Variants in ATP2B4 observed in about 807,000 individuals in gnomAD.
The protein encoded by ATP2B4 is plasma membrane calcium-transporting ATPase 4.
Under a neutral mutation model 110.3 loss-of-function variants are expected in ATP2B4, and 39 were observed. That is an observed-to-expected ratio of 0.35 (90% CI 0.27 to 0.46). The LOEUF (loss-of-function observed/expected upper bound fraction) is 0.46, where lower values mean the gene tolerates loss of function less well. Ranked by LOEUF, ATP2B4 falls within the 20% of genes least tolerant of loss-of-function variation. ATP2B4 has a pLI of 1.00. For missense variants in ATP2B4, 1,135 were observed against 1,530.9 expected, an observed-to-expected ratio of 0.74 and a Z score of 4.32; for synonymous variants, 538 against 571.7, an observed-to-expected ratio of 0.94 and a Z score of 0.84.
intron 19 of ATP2B4, among the ~76,000 whole-genome samples, chr1:203,724,865 CTGTTTTTTT>C (rs1666457582): frequency 3.9e-5 from 4 of 101,454 alleles, no homozygotes; most frequent in African/African-American, 1.6e-4. Context: ...ATCCAGCTCT[CTGTTTTTTT>C]TTTTTTTTTT....
chr1:203,650,671 G>T (rs1333484413), intron 1 of ATP2B4, among the ~76,000 whole-genome samples: 1 of 152,130 alleles, frequency 6.6e-6, no homozygotes, highest in Non-Finnish European at 1.5e-5. Flanking sequence ...GAGCGGGGCG[G>T]GCTAGGGCGA....
chr1:203,678,392 CTTTTTT>C (rs35598967), intron 1 of ATP2B4, among the ~76,000 whole-genome samples: 1 of 100,194 alleles, frequency 1.0e-5, no homozygotes, highest in African/African-American at 4.0e-5. Flanking sequence ...TTTCTAGAGG[CTTTTTT>C]TTTTTTTTTT....
intron 1 of ATP2B4, among the ~76,000 whole-genome samples, chr1:203,663,533 A>G (rs554039662): frequency 1.6e-4 from 24 of 152,236 alleles, no homozygotes; most frequent in African/African-American, 5.5e-4. Flanking sequence ...GCTCATCAGG[A>G]CAGGAATCCC....
At chr1:203,727,872 G>A (rs1482236980) in intron 20 of ATP2B4, 1 of 391,900 alleles carries the variant, frequency 2.6e-6, no homozygotes, top group Non-Finnish European at 4.7e-6. Context: ...TTCAGCATAA[G>A]GTCTCTTGCA....
chr1:203,701,350 C>T (rs948820709), intron 6 of ATP2B4, among the ~76,000 whole-genome samples: 23 of 152,048 alleles, frequency 1.5e-4, no homozygotes, highest in African/African-American at 5.3e-4. Context: ...AGATTTCTGC[C>T]GAAACTGTAG....
Position 203,722,563 on chromosome 1 carries a change from CT to C in ATP2B4, c.2900del (p.Phe967SerfsTer3). The C allele has an allele frequency of 6.2e-7, 1 of 1,614,170 alleles. No individual in the cohort carries two copies. The highest frequency in any genetic ancestry group is 1.1e-5 in the South Asian group (1 of 91,078). ...SQHYTIVFNT[F>X]VLMQLFNEIN... is the part of the protein sequence containing the mutation. The stretch of plus-strand genomic sequence containing the variant: ...AGCACTATACCATTGTTTTTAACAC[CT>C]TCGTGCTGATGCAGCTCTTCAATGA... On this transcript the variant is annotated frameshift_variant, in exon 18 of 21. Coordinates refer to ENST00000357681, the MANE Select transcript of ATP2B4 (RefSeq NM_001684.5). LOFTEE classifies it high-confidence loss of function.
intron 19 of ATP2B4, among the ~76,000 whole-genome samples, 184 bp from the exon 20 acceptor site, chr1:203,727,211 G>C (rs777869500): frequency 6.6e-6 from 1 of 152,200 alleles, no homozygotes; most frequent in Non-Finnish European, 1.5e-5. Flanking sequence ...CTAAAAGCCT[G>C]ACCGCTGGTG....
chr1:203,692,916 C>T (rs1665427787), intron 2 of ATP2B4, among the ~76,000 whole-genome samples: 1 of 152,042 alleles, frequency 6.6e-6, no homozygotes, highest in South Asian at 2.1e-4. Flanking sequence ...CACAGCTAAA[C>T]ATTCTCTTTG....
chr1:203,712,238 C>T, intron 13 of ATP2B4, 99 bp downstream of exon 13: 1 of 1,371,820 alleles, frequency 7.3e-7, no homozygotes, highest in Non-Finnish European at 9.9e-7. Flanking sequence ...TGGGTGGTTT[C>T]TAAAGTGAAA....
intron 2 of ATP2B4, among the ~76,000 whole-genome samples, chr1:203,689,737 G>GA (rs1384428965): frequency 6.6e-6 from 1 of 152,236 alleles, no homozygotes; most frequent in African/African-American, 2.4e-5. Flanking sequence ...TCCTTCCATA[G>GA]AGCTTACAGG....
At chr1:203,686,398 G>A (rs900453757) in intron 2 of ATP2B4, among the ~76,000 whole-genome samples, 2 of 152,176 alleles carry the variant, frequency 1.3e-5, no homozygotes, top group Non-Finnish European at 2.9e-5. Flanking sequence ...CCTTCCCAGA[G>A]CTGCCACTGT....
Position 203,683,058 on chromosome 1 carries a change from C to T in ATP2B4, c.-148C>T. ...CGGACGGCTACTCGGGAGCTTATTG[C>T]ACAAGATATATTCAATCTATTCCCT... On this transcript the variant is annotated 5_prime_UTR_variant, in exon 2 of 21. Coordinates refer to ENST00000357681, the MANE Select transcript of ATP2B4 (RefSeq NM_001684.5). 1.2e-6 allele frequency: 1 copy of T among 845,562 alleles called. No homozygotes were observed. The highest frequency in any genetic ancestry group is 1.8e-6 in the Non-Finnish European group (1 of 552,470). 52.4% of individuals were successfully genotyped at this position (845,562 alleles called of 1,614,324 possible).
chr1:203,643,531 G>C (rs1346486074), intron 1 of ATP2B4, among the ~76,000 whole-genome samples: 1 of 152,230 alleles, frequency 6.6e-6, no homozygotes, highest in African/African-American at 2.4e-5. Context: ...CTGGCAAGAA[G>C]TGGCAGCTTA....
chr1:203,699,328 AGCCAACAGTT>A, intron 3 of ATP2B4, 122 bp from the exon 4 acceptor site: 1 of 1,241,608 alleles, frequency 8.1e-7, no homozygotes. Context: ...ATCCTCTTCC[AGCCAACAGTT>A]GTATTTGCTA....
intron 7 of ATP2B4, 108 bp downstream of exon 7, chr1:203,702,187 C>A: frequency 2.2e-6 from 3 of 1,392,544 alleles, no homozygotes; most frequent in Non-Finnish European, 2.0e-6. Flanking sequence ...CTGTTATCTG[C>A]TGCTGTGGCT....
chr1:203,739,769 A>G lies in ATP2B4; in HGVS notation c.3533A>G (p.Asn1178Ser). Residue 1178 changes from asparagine to serine, a missense_variant, in exon 21 of 21, where the codon AAT (asparagine) becomes AGT (serine). Transcript: ENST00000357681. ...GATGGTGAGGTCACTCCATATGCCA[A>G]TACAAACAACAATGCGGTGGATTGC... ...LLDGEVTPYA[N>S]TNNNAVDCNQ... 1 of 1,614,188 alleles carries G rather than the reference A, an allele frequency of 6.2e-7. No individual in the cohort carries two copies. The highest frequency in any genetic ancestry group is 8.5e-7 in the Non-Finnish European group (1 of 1,180,036).
chr1:203,715,629 ATAAT>A (rs1666139962), intron 15 of ATP2B4, among the ~76,000 whole-genome samples: 1 of 144,608 alleles, frequency 6.9e-6, no homozygotes, highest in African/African-American at 2.5e-5. Flanking sequence ...CCTCTAAATA[ATAAT>A]TATATATCAA....
chr1:203,681,933 T>TAAAA (rs33945815), intron 1 of ATP2B4, among the ~76,000 whole-genome samples: 5 of 146,994 alleles, frequency 3.4e-5, no homozygotes, highest in South Asian at 2.2e-4. Flanking sequence ...TCCCCTTTAC[T>TAAAA]AGAAAAAAAA....
At chr1:203,657,085 A>T in intron 1 of ATP2B4, 1 of 840,836 alleles carries the variant, frequency 1.2e-6, no homozygotes, top group Non-Finnish European at 2.0e-6. Flanking sequence ...GCTCACATTT[A>T]CCTCAATGAC....
Sources: gnomAD v4.1 joint callset for allele counts (sites outside exome capture counted in the v4.1 genomes callset) on GRCh38, gnomAD v4.1.1 for gene constraint, MANE v1.5 for transcripts, NCBI Gene and HGNC (gene_info 2026-07-23, HGNC 2026-07-21) for gene names.